CD44: variants seen among roughly 807,000 people sequenced by gnomAD.
CD44 encodes CD44 antigen.
Under a neutral mutation model 88.8 loss-of-function variants are expected in CD44, and 49 were observed. The observed-to-expected ratio is 0.55, with a 90% CI of 0.44 to 0.70. The LOEUF (loss-of-function observed/expected upper bound fraction) is 0.70, where lower values mean the gene tolerates loss of function less well. CD44 is among the 30% of genes least tolerant of loss of function. The pLI is 0.00. For missense variants in CD44, 883 were observed against 913.8 expected (o/e 0.97, Z 0.43); for synonymous variants, 325 against 312.3 (o/e 1.04, Z -0.43).
chr11:35,204,056 G>C (rs1947573121), intron 9 of CD44, among the ~76,000 whole-genome samples: 1 of 152,098 alleles, frequency 6.6e-6, no homozygotes, highest in East Asian at 1.9e-4. Flanking sequence ...TGCGATTATG[G>C]GTTACATGAC....
chr11:35,190,463 A>G, intron 5 of CD44: 1 of 225,480 alleles, frequency 4.4e-6, no homozygotes, highest in Non-Finnish European at 8.9e-6. Context: ...AGTTGGGATC[A>G]TAGAGTTTGC....
At chr11:35,182,430 C>T (rs1181364562) in intron 3 of CD44, among the ~76,000 whole-genome samples, 1 of 151,994 alleles carries the variant, frequency 6.6e-6, no homozygotes, top group Non-Finnish European at 1.5e-5. Context: ...ACATACGAAA[C>T]AGGAACAGAA....
chr11:35,172,849 CA>C (rs35040129), intron 1 of CD44, among the ~76,000 whole-genome samples: 25,028 of 146,832 alleles, frequency 0.17, 2,184 homozygotes, highest in Middle Eastern at 0.28. Flanking sequence ...TATTTTGGTG[CA>C]AAAAAAAAAA....
In CD44 at chr11:35,229,471, T is replaced by C. The variant is rs2295755; in HGVS notation, c.*138T>C. ...TTAGCATAAAATTTTCTACTCTTTT[T>C]GTTTTTTGTGTTTTGTTCTTTAAAG... On this transcript the variant is annotated 3_prime_UTR_variant, in exon 18 of 18. Transcript: ENST00000428726. 6,229 of 612,350 alleles carry C rather than the reference T, an allele frequency of 0.01. 200 individuals carry two copies. Among genetic ancestry groups the C allele is most frequent in the African/African-American group, 0.085 (4,598 of 54,252 alleles). The allele number at this position is 612,350 out of a possible 1,614,324, so 37.9% of individuals were successfully genotyped here.
At chr11:35,184,431 G>A (rs1945455645) in intron 3 of CD44, among the ~76,000 whole-genome samples, 1 of 152,168 alleles carries the variant, frequency 6.6e-6, no homozygotes, top group Non-Finnish European at 1.5e-5. Context: ...GCATCAAGAA[G>A]CCATAATCCA....
intron 10 of CD44, 87 bp from the exon 11 acceptor site, chr11:35,206,025 T>G (rs938294705): frequency 4.2e-6 from 6 of 1,442,274 alleles, no homozygotes; most frequent in Middle Eastern, 1.8e-4. Context: ...GTCTAGAGAA[T>G]AAAGTCTTTT....
At chr11:35,208,449 A>G (rs1468579369) in intron 12 of CD44, among the ~76,000 whole-genome samples, 1 of 152,162 alleles carries the variant, frequency 6.6e-6, no homozygotes, top group African/African-American at 2.4e-5. Flanking sequence ...GTAGGACTCT[A>G]TTCAACTCCA....
At chr11:35,210,181 G>T (rs577307542) in intron 13 of CD44, 127 bp downstream of exon 13, 1 of 554,114 alleles carries the variant, frequency 1.8e-6, no homozygotes, top group Non-Finnish European at 3.1e-6. Flanking sequence ...TTAATCAAAA[G>T]GTGCGTCTGG....
At position 35,139,228 on chromosome 11, in the gene CD44, C is replaced by T; in HGVS notation, c.-76C>T. 8.4e-7 allele frequency: 1 copy of T among 1,195,284 alleles called. No homozygotes were observed. Among genetic ancestry groups the T allele is most frequent in the Middle Eastern group, 2.1e-4 (1 of 4,798 alleles). 74.0% of individuals were successfully genotyped at this position (1,195,284 alleles called of 1,614,324 possible). The stretch of plus-strand genomic sequence containing the variant: ...GTTCGGTCCGCCATCCTCGTCCCGT[C>T]CTCCGCCGGCCCCTGCCCCGCGCCC... On this transcript the variant is annotated 5_prime_UTR_variant, in exon 1 of 18. Transcript: ENST00000428726.
At chr11:35,192,541 G>C (rs72916140) in intron 5 of CD44, among the ~76,000 whole-genome samples, 3 of 152,244 alleles carry the variant, frequency 2.0e-5, no homozygotes, top group Non-Finnish European at 2.9e-5. Context: ...CAGAAGAAGC[G>C]GTCTTTGGCT....
intron 14 of CD44, among the ~76,000 whole-genome samples, chr11:35,211,938 AGATT>A: frequency 6.6e-6 from 1 of 152,324 alleles, no homozygotes; most frequent in East Asian, 1.9e-4. Context: ...TTTTGGTAAT[AGATT>A]GATCAGTTTT....
At chr11:35,143,772 A>T (rs1858490708) in intron 1 of CD44, among the ~76,000 whole-genome samples, 1 of 142,936 alleles carries the variant, frequency 7.0e-6, no homozygotes, top group African/African-American at 2.9e-5. Flanking sequence ...AGAGATGCCA[A>T]CCAAGTTATT....
At chr11:35,184,171 C>G (rs117416940) in intron 3 of CD44, among the ~76,000 whole-genome samples, 2,049 of 152,248 alleles carry the variant, frequency 0.013, 23 homozygotes, top group Non-Finnish European at 0.021. Flanking sequence ...GACATGAGAG[C>G]ATGAGTCTGT....
chr11:35,155,932 C>T (rs353615), intron 1 of CD44, among the ~76,000 whole-genome samples: 54,860 of 151,972 alleles, frequency 0.36, 10,910 homozygotes, highest in African/African-American at 0.54. Context: ...GTTGGCATTA[C>T]TGGCCTCCTG....
intron 1 of CD44, among the ~76,000 whole-genome samples, chr11:35,145,881 G>A (rs531161673): frequency 1.3e-4 from 20 of 152,216 alleles, no homozygotes; most frequent in South Asian, 4.1e-4. Flanking sequence ...GGGCAAATCC[G>A]TAGGGAATCC....
rs771444004 is a variant in CD44 at position 35,198,122 on chromosome 11, T to C, written c.798T>C (p.Gly266=). ...NHLHTTTQMA[G]TSSNTISAGW... Reference sequence around the variant, plus strand: ...CACTAATGCAAGTCACCACAACAGGTACGTCTTCAAATACCATCTCAGCAG... The same window carrying C: ...CACTAATGCAAGTCACCACAACAGGCACGTCTTCAAATACCATCTCAGCAG... Residue 266 remains glycine (G), a splice_region_variant and synonymous_variant, in exon 7 of 18, where the codon GGT becomes GGC. Transcript: ENST00000428726. 1.2e-6 allele frequency: 2 copies of C among 1,613,612 alleles called. No homozygotes were observed. The highest frequency in any genetic ancestry group is 1.7e-6 in the Non-Finnish European group (2 of 1,179,654).
intron 17 of CD44, among the ~76,000 whole-genome samples, chr11:35,228,765 C>G (rs1003291595): frequency 1.3e-5 from 2 of 152,146 alleles, no homozygotes; most frequent in Non-Finnish European, 1.5e-5. Flanking sequence ...TGCAGAGAAG[C>G]CCCTGAGGGG....
chr11:35,205,756 C>T, intron 10 of CD44: 1 of 987,286 alleles, frequency 1.0e-6, no homozygotes, highest in East Asian at 1.1e-4. Flanking sequence ...TAACATCATG[C>T]ACTCGGGCTT....
chr11:35,180,859 T>A (rs1944919257), intron 3 of CD44, among the ~76,000 whole-genome samples: 1 of 152,138 alleles, frequency 6.6e-6, no homozygotes, highest in South Asian at 2.1e-4. Context: ...CTATATGAAG[T>A]CTGAAAGTGA....
Sources: gnomAD v4.1 joint callset for allele counts (sites outside exome capture counted in the v4.1 genomes callset) on GRCh38, gnomAD v4.1.1 for gene constraint, MANE v1.5 for transcripts, NCBI Gene and HGNC (gene_info 2026-07-23, HGNC 2026-07-21) for gene names.